Variants in SLC4A4 observed in about 807,000 individuals in gnomAD.
The protein encoded by SLC4A4 is solute carrier family 4 member 4.
A neutral mutation model predicts 111.5 loss-of-function variants in SLC4A4; 27 were observed. That is an observed-to-expected ratio of 0.24 (90% CI 0.18 to 0.33). The LOEUF (loss-of-function observed/expected upper bound fraction) is 0.33, where lower values mean the gene tolerates loss of function less well. SLC4A4 is among the 10% of genes least tolerant of loss of function. SLC4A4 has a pLI of 1.00. For synonymous variants in SLC4A4, 443 were observed against 463.4 expected (o/e 0.96, Z 0.57); for missense variants, 909 against 1,315.5 (o/e 0.69, Z 4.78).
At chr4:71,522,010 C>T (rs1276231037) in intron 16 of SLC4A4, among the ~76,000 whole-genome samples, 1 of 146,278 alleles carries the variant, frequency 6.8e-6, no homozygotes, top group Non-Finnish European at 1.5e-5. Flanking sequence ...AGTATGAACA[C>T]TTAAAATGAA....
At chr4:71,523,807 A>C (rs1211574927) in intron 16 of SLC4A4, among the ~76,000 whole-genome samples, 1 of 152,152 alleles carries the variant, frequency 6.6e-6, no homozygotes, top group Non-Finnish European at 1.5e-5. Flanking sequence ...TAGGCCCTGG[A>C]ACCCTTTATG....
chr4:71,477,310 A>G (rs16846407), intron 14 of SLC4A4, among the ~76,000 whole-genome samples: 1,813 of 151,822 alleles, frequency 0.012, 38 homozygotes, highest in African/African-American at 0.04. Context: ...TCTTTTTCAT[A>G]TTTCTCACTA....
chr4:71,226,370 C>A (rs546627898), intron 1 of SLC4A4, among the ~76,000 whole-genome samples: 1 of 152,276 alleles, frequency 6.6e-6, no homozygotes, highest in East Asian at 1.9e-4. Flanking sequence ...ATTCATTATT[C>A]TGTTCGTGGA....
intron 1 of SLC4A4, among the ~76,000 whole-genome samples, chr4:71,229,197 C>T (rs1445376305): frequency 2.0e-5 from 3 of 152,108 alleles, no homozygotes; most frequent in Non-Finnish European, 4.4e-5. Context: ...CTCAGCATAA[C>T]CCCCTGGAAA....
chr4:71,119,341 A>G (rs190658591), intron 2 of SLC4A4, among the ~76,000 whole-genome samples: 69 of 152,186 alleles, frequency 4.5e-4, no homozygotes, highest in Admixed American at 4.5e-3. Flanking sequence ...CTATGAGTGC[A>G]CTTATGCTTT....
At chr4:71,524,776 A>G (rs1733269537) in intron 16 of SLC4A4, among the ~76,000 whole-genome samples, 1 of 152,006 alleles carries the variant, frequency 6.6e-6, no homozygotes, top group Admixed American at 6.6e-5. Flanking sequence ...TTTTTCTTTC[A>G]TGTAAAATAA....
chr4:71,302,651 G>C (rs1725366326), intron 3 of SLC4A4, among the ~76,000 whole-genome samples: 1 of 152,170 alleles, frequency 6.6e-6, no homozygotes, highest in Non-Finnish European at 1.5e-5. Flanking sequence ...AGAGGCACTA[G>C]GTCTTGAATG....
intron 1 of SLC4A4, among the ~76,000 whole-genome samples, chr4:71,085,339 C>T (rs1359873834): frequency 1.1e-4 from 17 of 151,916 alleles, no homozygotes; most frequent in Admixed American, 1.1e-3. Context: ...CAAAAATTTT[C>T]TCCCATTCTG....
intron 7 of SLC4A4, among the ~76,000 whole-genome samples, chr4:71,424,670 G>C (rs1330101176): frequency 6.6e-6 from 1 of 152,124 alleles, no homozygotes; most frequent in African/African-American, 2.4e-5. Flanking sequence ...CATAAAAAAT[G>C]ATGAGTTCAT....
At chr4:71,418,929 A>T (rs955905391) in intron 7 of SLC4A4, among the ~76,000 whole-genome samples, 2 of 152,206 alleles carry the variant, frequency 1.3e-5, no homozygotes, top group Non-Finnish European at 2.9e-5. Context: ...ACTCAGCTGC[A>T]GGTCTGTTGG....
At chr4:71,321,081 C>T (rs1354583210) in intron 3 of SLC4A4, among the ~76,000 whole-genome samples, 3 of 151,956 alleles carry the variant, frequency 2.0e-5, no homozygotes, top group African/African-American at 7.2e-5. Flanking sequence ...CAGTATTACT[C>T]TGTAGAATGC....
intron 4 of SLC4A4, among the ~76,000 whole-genome samples, chr4:71,344,983 G>T (rs1311631640): frequency 6.6e-6 from 1 of 152,086 alleles, no homozygotes; most frequent in East Asian, 1.9e-4. Flanking sequence ...CTATGAACAA[G>T]ATTAAGTATT....
At chr4:71,152,289 T>G (rs925354637) in intron 2 of SLC4A4, among the ~76,000 whole-genome samples, 2 of 152,152 alleles carry the variant, frequency 1.3e-5, no homozygotes, top group African/African-American at 2.4e-5. Flanking sequence ...ACATATATGC[T>G]TATCTCTAAA....
At chr4:71,090,719 A>T (rs1011379339) in intron 1 of SLC4A4, among the ~76,000 whole-genome samples, 1 of 152,234 alleles carries the variant, frequency 6.6e-6, no homozygotes, top group Non-Finnish European at 1.5e-5. Context: ...AAAATGCTAA[A>T]GGTAGAATGG....
intron 3 of SLC4A4, chr4:71,300,829 C>T: frequency 6.9e-6 from 3 of 437,948 alleles, no homozygotes; most frequent in Admixed American, 2.4e-5. Flanking sequence ...TGCAGAGAAG[C>T]AGTGCTGGAG....
At chr4:71,240,864 T>A (rs1720154573) in intron 2 of SLC4A4, among the ~76,000 whole-genome samples, 1 of 152,144 alleles carries the variant, frequency 6.6e-6, no homozygotes, top group Admixed American at 6.5e-5. Context: ...ATGCCTATAA[T>A]CCTAGCACTT....
intron 20 of SLC4A4, among the ~76,000 whole-genome samples, chr4:71,553,542 A>G (rs1736216866): frequency 6.6e-6 from 1 of 151,890 alleles, no homozygotes; most frequent in Admixed American, 6.6e-5. Context: ...TGGTTGAACT[A>G]TACTTCTCTT....
chr4:71,107,950 A>ATT (rs1024050894), intron 2 of SLC4A4, among the ~76,000 whole-genome samples: 2 of 152,018 alleles, frequency 1.3e-5, no homozygotes, highest in Non-Finnish European at 2.9e-5. Context: ...CTATATAGCT[A>ATT]TTTCCTTTGT....
At chr4:71,457,188 T>C (rs1333685353) in intron 12 of SLC4A4, among the ~76,000 whole-genome samples, 6 of 152,174 alleles carry the variant, frequency 3.9e-5, no homozygotes, top group African/African-American at 1.4e-4. Flanking sequence ...AGAGCATATA[T>C]ATACACATAT....
Sources: allele counts gnomAD v4.1 joint callset (sites outside exome capture counted in the v4.1 genomes callset), GRCh38; gene constraint gnomAD v4.1.1; transcripts MANE v1.5; gene names NCBI Gene and HGNC (gene_info 2026-07-23, HGNC 2026-07-21).